Variants in UGT8 observed in about 807,000 individuals in gnomAD.
The protein encoded by UGT8 is UDP glycosyltransferase 8.
A neutral mutation model predicts 40.5 loss-of-function variants in UGT8; 12 were observed. The ratio of observed to expected loss-of-function variants is 0.30; its 90% CI spans 0.19 to 0.48. The LOEUF (loss-of-function observed/expected upper bound fraction) is 0.48. UGT8 is among the 20% of genes least tolerant of loss of function. UGT8 has a pLI of 0.99. For synonymous variants in UGT8, 224 were observed against 240.4 expected, an observed-to-expected ratio of 0.93 and a Z score of 0.63; for missense variants, 513 against 648.7, an observed-to-expected ratio of 0.79 and a Z score of 2.27.
chr4:114,605,447 A>G (rs1333708300), intron 1 of UGT8, among the ~76,000 whole-genome samples: 1 of 152,186 alleles, frequency 6.6e-6, no homozygotes, highest in Non-Finnish European at 1.5e-5. Flanking sequence ...AGTTCATTAA[A>G]GAAATTTACA....
chr4:114,653,273 A>C (rs1267669455), intron 2 of UGT8, among the ~76,000 whole-genome samples: 1 of 152,136 alleles, frequency 6.6e-6, no homozygotes, highest in Non-Finnish European at 1.5e-5. Context: ...GAAAATATCC[A>C]TGACGTTATA....
intron 2 of UGT8, among the ~76,000 whole-genome samples, chr4:114,637,758 T>G (rs10049660): frequency 0.18 from 27,065 of 152,164 alleles, 2,607 homozygotes; most frequent in Middle Eastern, 0.22. Flanking sequence ...ACAGCTTGGT[T>G]ATTTTATTTC....
rs1391647979 is a variant in UGT8, at chr4:114,665,767, G to A, written c.1042+11G>A. ...AAAATGACCTGCTTGGTAAGTCAAT[G>A]ATGTGTGGTTACTTACTTGGCTGTT... On this transcript the variant is annotated intron_variant, in intron 4 of 5. Transcript: ENST00000310836. 17 of 1,593,872 alleles carry A rather than the reference G, an allele frequency of 1.1e-5. No homozygotes were observed. Among genetic ancestry groups the A allele is most frequent in the Non-Finnish European group, 1.5e-5 (17 of 1,172,132 alleles).
At chr4:114,630,709 C>CAATTGT (rs955958129) in intron 2 of UGT8, among the ~76,000 whole-genome samples, 1 of 151,710 alleles carries the variant, frequency 6.6e-6, no homozygotes, top group Admixed American at 6.6e-5. Context: ...GTGTGAGATA[C>CAATTGT]GTGGTTCTTA....
intron 2 of UGT8, chr4:114,656,665 CAG>C: frequency 2.8e-6 from 1 of 360,500 alleles, no homozygotes; most frequent in South Asian, 2.3e-5. Context: ...ACAGGTCTCA[CAG>C]GGGAGAACAA....
chr4:114,616,561 G>A lies in UGT8; in HGVS notation c.-2-6318G>A, dbSNP rs899605874. ...CCCTGTGCTTCCCAGGTGAGGCGAT[G>A]CCTCACCCTACTTCGGCTCATGCTC... On this transcript the variant is annotated intron_variant, in intron 1 of 5. Transcript: ENST00000310836. Among the ~76,000 whole-genome samples the A allele has an allele frequency of 1.6e-4, 25 of 152,058 alleles. 1 individual carries two copies. The highest frequency in any genetic ancestry group is 1.6e-3 in the Admixed American group (24 of 15,278).
At chr4:114,643,992 T>C (rs1733392589) in intron 2 of UGT8, among the ~76,000 whole-genome samples, 1 of 152,186 alleles carries the variant, frequency 6.6e-6, no homozygotes, top group South Asian at 2.1e-4. Flanking sequence ...CAGCGCCTAC[T>C]ACCCTGTTTT....
At chr4:114,632,104 G>A (rs1304280217) in intron 2 of UGT8, among the ~76,000 whole-genome samples, 3 of 152,152 alleles carry the variant, frequency 2.0e-5, no homozygotes, top group Non-Finnish European at 4.4e-5. Flanking sequence ...TTTGCTTTTG[G>A]CCTTCGAGTA....
chr4:114,625,121 T>A (rs960210556), intron 2 of UGT8, among the ~76,000 whole-genome samples: 4 of 152,292 alleles, frequency 2.6e-5, no homozygotes, highest in Admixed American at 2.6e-4. Flanking sequence ...TAGGTCATCA[T>A]CTTTTCCGAG....
intron 2 of UGT8, among the ~76,000 whole-genome samples, chr4:114,633,146 T>C (rs1163956941): frequency 1.3e-5 from 2 of 152,222 alleles, no homozygotes; most frequent in Non-Finnish European, 2.9e-5. Context: ...GCCATTTAGT[T>C]ATACATTGAG....
chr4:114,663,943 T>C, intron 2 of UGT8, 52 bp from the exon 3 acceptor site: 1 of 1,597,890 alleles, frequency 6.3e-7, no homozygotes, highest in African/African-American at 1.3e-5. Flanking sequence ...ATAACACCAA[T>C]TATAAACTAC....
chr4:114,659,671 G>T (rs995603118), intron 2 of UGT8, among the ~76,000 whole-genome samples: 3 of 152,066 alleles, frequency 2.0e-5, no homozygotes, highest in Non-Finnish European at 4.4e-5. Flanking sequence ...GAAATGGAAG[G>T]CTTATTCTGT....
intron 4 of UGT8, 81 bp from the exon 5 acceptor site, chr4:114,668,004 C>A: frequency 1.9e-6 from 3 of 1,543,380 alleles, no homozygotes; most frequent in South Asian, 2.5e-5. Context: ...ACTGTAGTGC[C>A]GATTTTTAAT....
chr4:114,627,368 C>G (rs954352714), intron 2 of UGT8, among the ~76,000 whole-genome samples: 3 of 150,744 alleles, frequency 2.0e-5, no homozygotes, highest in Non-Finnish European at 4.4e-5. Flanking sequence ...AAGTGATTCT[C>G]CTGCCTCAGC....
chr4:114,663,761 G>GT (rs1171443835), intron 2 of UGT8: 15 of 984,842 alleles, frequency 1.5e-5, no homozygotes, highest in African/African-American at 1.8e-5. Flanking sequence ...TTTTTAAGTT[G>GT]TTTTTGTTAC....
intron 2 of UGT8, among the ~76,000 whole-genome samples, chr4:114,646,692 A>G (rs1416252282): frequency 6.6e-6 from 1 of 152,238 alleles, no homozygotes; most frequent in Non-Finnish European, 1.5e-5. Context: ...ACCAGAGATG[A>G]GAAAGCAAAT....
chr4:114,598,502 C>G (rs1730217820), upstream of UGT8: 1 of 152,264 alleles, frequency 6.6e-6, no homozygotes, highest in Non-Finnish European at 1.5e-5. Flanking sequence ...AACGCGCTGC[C>G]CCTTGCCCAG....
intron 1 of UGT8, among the ~76,000 whole-genome samples, chr4:114,608,149 A>G (rs991016622): frequency 2.0e-5 from 3 of 152,038 alleles, no homozygotes; most frequent in African/African-American, 4.8e-5. Flanking sequence ...CCCGCTTGAG[A>G]TGTCCTGCCT....
chr4:114,675,962 A>G lies in UGT8; in HGVS notation c.1300A>G (p.Lys434Glu), dbSNP rs1387276292. ...GGCTCAGAAGCTTTCGGAAATTCAC[A>G]AGGATCAACCTGGTCACCCTGTCAA... ...QRAQKLSEIH[K>E]DQPGHPVNRT... The change falls in exon 6 of 6, where the codon AAG becomes GAG. Residue 434 changes from lysine (K) to glutamate (E), a missense_variant. Around this residue, in one of 3 missense-constraint regions of UGT8, gnomAD observed 175 missense variants for 186.7 expected, o/e 0.94. Coordinates refer to ENST00000310836, the MANE Select transcript of UGT8 (RefSeq NM_001128174.3). 5 of 1,613,766 alleles carry G rather than the reference A, an allele frequency of 3.1e-6. No individual in the cohort carries two copies. Among genetic ancestry groups the G allele is most frequent in the Non-Finnish European group, 4.2e-6 (5 of 1,179,838 alleles).
Sources: allele counts gnomAD v4.1 joint callset (sites outside exome capture counted in the v4.1 genomes callset), GRCh38; gene constraint gnomAD v4.1.1; regional missense constraint gnomAD v4.1.1; transcripts MANE v1.5; gene names NCBI Gene and HGNC (gene_info 2026-07-23, HGNC 2026-07-21).